RBL2: variants seen among roughly 807,000 people sequenced by gnomAD.
RBL2 encodes the protein RB transcriptional corepressor like 2, also known as retinoblastoma-like protein 2.
RBL2 carries 56 observed loss-of-function variants against 126.0 expected under a neutral mutation model. The observed-to-expected ratio is 0.44, with a 90% CI of 0.36 to 0.56. The LOEUF is 0.56. Among genes scored for constraint, RBL2 ranks in the 20% least tolerant of loss-of-function variants. RBL2 has a pLI of 0.00. For missense variants in RBL2, 1,229 were observed against 1,398.2 expected (o/e 0.88, Z 1.93); for synonymous variants, 454 against 478.5 (o/e 0.95, Z 0.67).
At chr16:53,485,432 C>G (rs1961125887) in intron 21 of RBL2, among the ~76,000 whole-genome samples, 2 of 152,052 alleles carry the variant, frequency 1.3e-5, no homozygotes, top group African/African-American at 4.8e-5. Flanking sequence ...ATACATACAC[C>G]TATGTTCCAA....
At chr16:53,482,296 C>T (rs989878920) in intron 21 of RBL2, among the ~76,000 whole-genome samples, 2 of 152,138 alleles carry the variant, frequency 1.3e-5, no homozygotes, top group African/African-American at 4.8e-5. Context: ...ACAGCCACCT[C>T]ATTCTAAGAA....
chr16:53,488,501 T>C (rs1598139330), intron 21 of RBL2: 2 of 152,168 alleles, frequency 1.3e-5, no homozygotes, highest in Non-Finnish European at 2.9e-5. Flanking sequence ...GACTCTTGGT[T>C]GGAGAAAGAT....
rs754132221 is a variant in RBL2 at position 53,439,020 on chromosome 16, A to G, written c.245A>G (p.Asn82Ser). The change falls in exon 2 of 22, where the codon AAT (asparagine) becomes AGT (serine). Residue 82 changes from asparagine to serine, a missense_variant. Physicochemically the swap from Asn to Ser is conservative, Grantham distance 46. Transcript: ENST00000262133. ...SMSESYTLEG[N>S]DLHWLACALY... ...CAATTTTCTTTTCTTTTACAGGGAAATGATCTTCATTGGTTAGCATGTGCC... is the reference window on the plus strand; with the variant it reads ...CAATTTTCTTTTCTTTTACAGGGAAGTGATCTTCATTGGTTAGCATGTGCC... 3.2e-6 allele frequency: 5 copies of G among 1,570,812 alleles called. No individual in the cohort carries two copies. The highest frequency in any genetic ancestry group is 2.6e-6 in the Non-Finnish European group (3 of 1,162,446).
intron 17 of RBL2, among the ~76,000 whole-genome samples, chr16:53,474,287 G>T (rs1019089001): frequency 1.4e-5 from 2 of 146,732 alleles, no homozygotes; most frequent in African/African-American, 5.2e-5. Context: ...CACTGCACCC[G>T]GCTGCTGTAA....
chr16:53,477,418 A>C (rs929382696), intron 17 of RBL2, among the ~76,000 whole-genome samples: 1 of 152,020 alleles, frequency 6.6e-6, no homozygotes, highest in Non-Finnish European at 1.5e-5. Flanking sequence ...ACTCACTGTA[A>C]CCTCTGCCTC....
At position 53,469,923 on chromosome 16, in the gene RBL2, A is replaced by C. The variant is rs1211869890; in HGVS notation, c.1983A>C (p.Thr661=). 3.8e-6 allele frequency: 6 copies of C among 1,559,088 alleles called. No homozygotes were observed. The highest frequency in any genetic ancestry group is 4.4e-6 in the Non-Finnish European group (5 of 1,147,456). Residue 661 remains threonine (T), a synonymous_variant, in exon 15 of 22, where the codon ACA becomes ACC. Coordinates refer to ENST00000262133, the MANE Select transcript of RBL2 (RefSeq NM_005611.4). ...GATTTGTTTTGACCCTAGGCATAAC[A>C]TCTCCAACCACATTATACGATAGGT... The part of the protein sequence containing the change: ...ADTGGLGRSI[T]SPTTLYDRYS...
At chr16:53,473,375 G>T (rs1598121154) in intron 17 of RBL2, among the ~76,000 whole-genome samples, 1 of 150,542 alleles carries the variant, frequency 6.6e-6, no homozygotes, top group African/African-American at 2.4e-5. Context: ...ACAATGCTTT[G>T]TACTTTTCAG....
chr16:53,491,205 A>AC lies in RBL2; in HGVS notation c.*906dup, dbSNP rs1287571396. On this transcript the variant is annotated 3_prime_UTR_variant, in exon 22 of 22. Coordinates refer to ENST00000262133, the MANE Select transcript of RBL2 (RefSeq NM_005611.4). ...TTGAATTGAGGGGATTAATATGAAA[A>AC]CTTATGACCTCTTCCTTTAGGAGGG... is the stretch of plus-strand genomic sequence containing the variant. 6.6e-6 allele frequency: 1 copy of AC among 152,208 alleles called. No individual in the cohort carries two copies. The highest frequency in any genetic ancestry group is 2.4e-5 in the African/African-American group (1 of 41,422). 9.4% of individuals were successfully genotyped at this position (152,208 alleles called of 1,614,324 possible).
At chr16:53,480,826 T>C in intron 20 of RBL2, 57 bp downstream of exon 20, 2 of 1,518,008 alleles carry the variant, frequency 1.3e-6, no homozygotes, top group Non-Finnish European at 1.8e-6. Flanking sequence ...TGAGGAATCA[T>C]TTATGATTTA....
Position 53,454,662 on chromosome 16 carries a change from C to G in RBL2, c.999C>G (p.Ala333=), listed in dbSNP as rs773388990. ...GTATTTGTTTTTCCTATAGTAAAGC[C>G]ATCAATAAGGCCTATGAGGAGTATG... ...EPGNFGESFK[A]INKAYEEYVL... is the part of the protein sequence containing the mutation. The change falls in exon 8 of 22, where the codon GCC becomes GCG. Residue 333 remains alanine, a synonymous_variant. Transcript: ENST00000262133. 58 of 1,607,302 alleles carry G rather than the reference C, an allele frequency of 3.6e-5. No homozygotes were observed. In the Admixed American group the frequency reaches 7.4e-4, roughly 20 times the overall value.
Position 53,490,208 on chromosome 16 carries a change from A to G in RBL2, c.3328A>G (p.Ser1110Gly), listed in dbSNP as rs1428980562. Residue 1110 changes from serine to glycine, a missense_variant, in exon 22 of 22, where the codon AGT becomes GGT. Around this residue, in one of 2 missense-constraint regions of RBL2, gnomAD observed 1,070 missense variants for 1,274.3 expected, o/e 0.84. Transcript: ENST00000262133. The stretch of plus-strand genomic sequence containing the variant: ...GAGAGGAATTCTTTTGGAAGATGGA[A>G]GTGAATCACCTGCAAAAAGAATTTG... Reference protein sequence around the residue: ...KKRGILLEDGSESPAKRICPE... With the variant: ...KKRGILLEDGGESPAKRICPE... The G allele has an allele frequency of 3.1e-6, 5 of 1,612,374 alleles. No homozygotes were observed. The African/African-American group carries it at 5.3e-5, about 17-fold the overall frequency.
chr16:53,470,341 T>C, intron 15 of RBL2, 42 bp from the exon 16 acceptor site: 1 of 1,597,240 alleles, frequency 6.3e-7, no homozygotes, highest in Non-Finnish European at 8.6e-7. Context: ...GAGAACCTCT[T>C]ATTATCAACA....
At chr16:53,469,324 A>G (rs943702688) in intron 14 of RBL2, among the ~76,000 whole-genome samples, 3 of 152,258 alleles carry the variant, frequency 2.0e-5, no homozygotes, top group Non-Finnish European at 4.4e-5. Context: ...TTTTAAAAAA[A>G]TAAATTATGC....
chr16:53,465,581 C>G lies in RBL2; in HGVS notation c.1842C>G (p.Asn614Lys). ...GGGAAAAAATTAGAGACAATGAAAA[C>G]AGAGTTCCTACATGTGAAGAGGTTT... ...PLWEKIRDNE[N>K]RVPTCEEVMP... Residue 614 changes from asparagine (N) to lysine (K), a missense_variant, in exon 13 of 22, where the codon AAC (asparagine) becomes AAG (lysine). Around this residue, in one of 2 missense-constraint regions of RBL2, gnomAD observed 1,070 missense variants for 1,274.3 expected, o/e 0.84. Transcript: ENST00000262133. 1 of 1,591,528 alleles carries G rather than the reference C, an allele frequency of 6.3e-7. No homozygotes were observed.
Position 53,462,537 on chromosome 16 carries a change from T to A in RBL2, c.1457-15T>A, listed in dbSNP as rs759398664. On this transcript the variant is annotated splice_polypyrimidine_tract_variant and intron_variant, in intron 10 of 21. Transcript: ENST00000262133. ...TGCCATTTTTGTGGGGTTTTTTTTT[T>A]TATTATTTCTACAGAAATTGCCAGC... 14 of 1,463,628 alleles carry A rather than the reference T, an allele frequency of 9.6e-6. No homozygotes were observed. In the Admixed American group the frequency reaches 3.2e-4, roughly 33 times the overall value. 90.7% of individuals were successfully genotyped at this position (1,463,628 alleles called of 1,614,324 possible). A position where few individuals can be genotyped will look rare whatever the true frequency, so the allele number is the denominator to read the frequency against.
intron 9 of RBL2, 25 bp from the exon 10 acceptor site, chr16:53,461,716 T>C: frequency 2.7e-6 from 4 of 1,507,344 alleles, no homozygotes; most frequent in Non-Finnish European, 3.6e-6. Flanking sequence ...CTTTAAATTA[T>C]GTTATTTCTC....
At chr16:53,441,522 A>G (rs1217943152) in intron 2 of RBL2, among the ~76,000 whole-genome samples, 1 of 152,228 alleles carries the variant, frequency 6.6e-6, no homozygotes. Flanking sequence ...TTCATATGAA[A>G]GAATGTTTTT....
intron 3 of RBL2, chr16:53,443,242 G>C (rs1426738090): frequency 6.5e-6 from 1 of 153,516 alleles, no homozygotes; most frequent in African/African-American, 2.4e-5. Flanking sequence ...ATCTGTATCT[G>C]TATCTGGATA....
rs556772657 is a variant in RBL2 at position 53,434,561 on chromosome 16, C to G, written c.5C>G (p.Pro2Arg). 1 of 1,501,906 alleles carries G rather than the reference C, an allele frequency of 6.7e-7. No individual in the cohort carries two copies. The highest frequency in any genetic ancestry group is 2.6e-5 in the East Asian group (1 of 38,784). 93.0% of individuals were successfully genotyped at this position (1,501,906 alleles called of 1,614,324 possible). A position where few individuals can be genotyped will look rare whatever the true frequency, so the allele number is the denominator to read the frequency against. Residue 2 changes from proline to arginine, a missense_variant, in exon 1 of 22, where the codon CCG (proline) becomes CGG (arginine). Coordinates refer to ENST00000262133, the MANE Select transcript of RBL2 (RefSeq NM_005611.4). M[P>R]SGGDQSPPPP... ...CCGGCCGCCCAGGGGTGCGCTATGC[C>G]GTCGGGAGGTGACCAGTCGCCACCG...
Sources: gnomAD v4.1 joint callset for allele counts (sites outside exome capture counted in the v4.1 genomes callset) on GRCh38, gnomAD v4.1.1 for gene constraint, gnomAD v4.1.1 regional missense constraint, MANE v1.5 for transcripts, NCBI Gene and HGNC (gene_info 2026-07-23, HGNC 2026-07-21) for gene names.